Variants in LDHC observed in about 807,000 individuals in gnomAD.
LDHC encodes the protein lactate dehydrogenase C.
LDHC carries 20 observed loss-of-function variants against 30.2 expected under a neutral mutation model. The observed-to-expected ratio is 0.66, with a 90% CI of 0.47 to 0.96. LDHC has a LOEUF of 0.96. Ranked by LOEUF, LDHC falls within the 40% of genes least tolerant of loss-of-function variation. LDHC has a pLI of 0.00. For synonymous variants in LDHC, 139 were observed against 132.7 expected (o/e 1.05, Z -0.32); for missense variants, 362 against 394.9 (o/e 0.92, Z 0.71).
intron 7 of LDHC, among the ~76,000 whole-genome samples, chr11:18,446,908 G>A (rs1848562895): frequency 6.6e-6 from 1 of 151,142 alleles, no homozygotes; most frequent in Non-Finnish European, 1.5e-5. Flanking sequence ...ATCAGGGCAA[G>A]AAGTTTGTTT....
intron 4 of LDHC, among the ~76,000 whole-genome samples, chr11:18,431,052 C>T (rs1848257570): frequency 1.3e-5 from 2 of 151,352 alleles, no homozygotes; most frequent in African/African-American, 4.9e-5. Context: ...CCTGGGAGAT[C>T]TGGGCTGCAG....
In LDHC at chr11:18,434,914, G is replaced by T. The variant is rs1362977530; in HGVS notation, c.592+1G>T. 8 of 1,604,708 alleles carry T rather than the reference G, an allele frequency of 5.0e-6. No homozygotes were observed. Among genetic ancestry groups the T allele is most frequent in the Non-Finnish European group, 6.8e-6 (8 of 1,171,794 alleles). On this transcript the variant is annotated splice_donor_variant, in intron 5 of 7. Coordinates refer to ENST00000541669, the MANE Select transcript of LDHC (RefSeq NM_017448.5). LOFTEE classifies it high-confidence loss of function. The stretch of plus-strand genomic sequence containing the variant: ...ATTGGAGAACATGGTGATTCTAGTG[G>T]TAAGTATAAATCTATTATTATTACG...
chr11:18,449,530 T>C (rs868118085), intron 7 of LDHC, among the ~76,000 whole-genome samples: 3 of 149,174 alleles, frequency 2.0e-5, no homozygotes, highest in Non-Finnish European at 3.0e-5. Context: ...AGAATGTGGG[T>C]TGACAGTCTG....
rs760620346 is a variant in LDHC, at chr11:18,429,863, T to C, written c.371T>C (p.Ile124Thr). 25 of 1,611,584 alleles carry C rather than the reference T, an allele frequency of 1.6e-5. No individual in the cohort carries two copies. In the South Asian group the frequency reaches 2.8e-4, roughly 18 times the overall value. The change falls in exon 4 of 8, where the codon ATA becomes ACA. Residue 124 changes from isoleucine to threonine, a missense_variant. By Grantham distance (89) the Ile-to-Thr change is moderately conservative. Coordinates refer to ENST00000541669, the MANE Select transcript of LDHC (RefSeq NM_017448.5). Reference protein sequence around the residue: ...VAIMKSIIPAIVHYSPDCKIL... With the variant: ...VAIMKSIIPATVHYSPDCKIL... ...ATAATGAAATCAATCATTCCTGCCA[T>C]AGTCCATTATAGTCCTGATTGTAAA...
intron 5 of LDHC, 27 bp from the exon 6 acceptor site, chr11:18,438,498 AGAG>A: frequency 7.3e-7 from 1 of 1,375,982 alleles, no homozygotes; most frequent in Non-Finnish European, 1.0e-6. Context: ...ATTGGGAAGA[AGAG>A]TTTATTTTGA....
intron 6 of LDHC, among the ~76,000 whole-genome samples, chr11:18,445,042 C>T (rs1848532392): frequency 1.3e-5 from 2 of 151,986 alleles, no homozygotes; most frequent in African/African-American, 4.8e-5. Flanking sequence ...TAAGAAAATG[C>T]ATAATGTTTA....
chr11:18,442,524 A>T (rs1848483791), intron 6 of LDHC, among the ~76,000 whole-genome samples: 1 of 152,146 alleles, frequency 6.6e-6, no homozygotes, highest in South Asian at 2.1e-4. Flanking sequence ...AGGTAAACAG[A>T]ATCCTTCACA....
At chr11:18,412,945 A>G in intron 2 of LDHC, 102 bp downstream of exon 2, 1 of 1,011,912 alleles carries the variant, frequency 9.9e-7, no homozygotes. Flanking sequence ...CTTGAAAGCA[A>G]TTATGTATCC....
intron 4 of LDHC, among the ~76,000 whole-genome samples, chr11:18,431,266 G>C (rs113823963): frequency 0.013 from 2,032 of 152,134 alleles, 50 homozygotes; most frequent in African/African-American, 0.046. Flanking sequence ...TTCAAGACTA[G>C]CCTGGCCAAC....
chr11:18,445,141 A>G (rs1432522992), intron 6 of LDHC, among the ~76,000 whole-genome samples: 3 of 152,160 alleles, frequency 2.0e-5, no homozygotes, highest in African/African-American at 4.8e-5. Flanking sequence ...TAGGAAAGAT[A>G]TATACACACA....
intron 3 of LDHC, among the ~76,000 whole-genome samples, chr11:18,419,637 C>T (rs1368391646): frequency 6.6e-6 from 1 of 152,060 alleles, no homozygotes; most frequent in Non-Finnish European, 1.5e-5. Flanking sequence ...ACCAGCATAA[C>T]AGAAACATGC....
At position 18,416,086 on chromosome 11, in the gene LDHC, T is replaced by G. The variant is rs548784252; in HGVS notation, c.244+785T>G. Among the ~76,000 whole-genome samples the G allele has an allele frequency of 3.9e-5, 6 of 152,330 alleles. No individual in the cohort carries two copies. The South Asian group carries it at 1.2e-3, about 32-fold the overall frequency. On this transcript the variant is annotated intron_variant, in intron 3 of 7. Transcript: ENST00000541669. ...GAAAACAGAAAGTATAAAGAAAAAT[T>G]GAATCTCTTCTATTAATGACTTTAT...
Position 18,440,895 on chromosome 11 carries a change from C to G in LDHC, c.710+2250C>G, listed in dbSNP as rs1194817734. Among the ~76,000 whole-genome samples the G allele has an allele frequency of 8.6e-5, 13 of 151,374 alleles. No individual in the cohort carries two copies. In the East Asian group the frequency reaches 1.5e-3, roughly 18 times the overall value. ...ACTCAAACTCGCAGAGGTATGATCA[C>G]ACCACTGCACACTAGCCTGGACAGC... On this transcript the variant is annotated intron_variant, in intron 6 of 7. Transcript: ENST00000541669.
At chr11:18,427,441 T>C (rs542016347) in intron 3 of LDHC, among the ~76,000 whole-genome samples, 1 of 152,156 alleles carries the variant, frequency 6.6e-6, no homozygotes, top group South Asian at 2.1e-4. Context: ...GTTAGAGGGG[T>C]AGGCAAAGTA....
At position 18,434,894 on chromosome 11, in the gene LDHC, A is replaced by T; in HGVS notation, c.573A>T (p.Gly191=). ...CAAGCTGCCATGGTTGGATTATTGGAGAACATGGTGATTCTAGTGGTAAGT... is the reference window on the plus strand; with the variant it reads ...CAAGCTGCCATGGTTGGATTATTGGTGAACATGGTGATTCTAGTGGTAAGT... ...HPTSCHGWII[G]EHGDSSVPLW... is the part of the protein sequence containing the mutation. The change falls in exon 5 of 8, where the codon GGA becomes GGT. Residue 191 remains glycine (G), a synonymous_variant. Coordinates refer to ENST00000541669, the MANE Select transcript of LDHC (RefSeq NM_017448.5). The T allele has an allele frequency of 6.2e-7, 1 of 1,612,138 alleles. No individual in the cohort carries two copies. Among genetic ancestry groups the T allele is most frequent in the Non-Finnish European group, 8.5e-7 (1 of 1,178,242 alleles).
In LDHC at chr11:18,429,861, C is replaced by G; in HGVS notation, c.369C>G (p.Ala123=). The part of the protein sequence containing the change: ...NVAIMKSIIP[A]IVHYSPDCKI... ...CTATAATGAAATCAATCATTCCTGC[C>G]ATAGTCCATTATAGTCCTGATTGTA... is the stretch of plus-strand genomic sequence containing the variant. The change falls in exon 4 of 8, where the codon GCC becomes GCG. Residue 123 remains alanine (A), a synonymous_variant. Transcript: ENST00000541669. The G allele has an allele frequency of 6.2e-7, 1 of 1,612,636 alleles. No homozygotes were observed. The highest frequency in any genetic ancestry group is 1.1e-5 in the South Asian group (1 of 91,000).
chr11:18,412,844 G>C lies in LDHC; in HGVS notation c.126+1G>C, dbSNP rs1866918963. 6.2e-7 allele frequency: 1 copy of C among 1,612,160 alleles called. No homozygotes were observed. Among genetic ancestry groups the C allele is most frequent in the Admixed American group, 1.7e-5 (1 of 59,632 alleles). Reference sequence around the variant, plus strand: ...TTGTGCTATTAGTATCTTACTGAAGGTGAGTGAGAAGCCCATCCTGTGGCT... The same window carrying C: ...TTGTGCTATTAGTATCTTACTGAAGCTGAGTGAGAAGCCCATCCTGTGGCT... On this transcript the variant is annotated splice_donor_variant, in intron 2 of 7. Transcript: ENST00000541669. LOFTEE classifies it high-confidence loss of function.
At chr11:18,438,142 G>A (rs1848391006) in intron 5 of LDHC, among the ~76,000 whole-genome samples, 1 of 152,174 alleles carries the variant, frequency 6.6e-6, no homozygotes, top group Non-Finnish European at 1.5e-5. Context: ...GTACAGGCAT[G>A]GCTCCAAGAT....
intron 5 of LDHC, among the ~76,000 whole-genome samples, chr11:18,436,486 T>G (rs907885915): frequency 6.9e-6 from 1 of 145,544 alleles, no homozygotes; most frequent in Non-Finnish European, 1.5e-5. Flanking sequence ...ACAAAGTTTT[T>G]TTTTTTTTTT....
Sources: gnomAD v4.1 joint callset for allele counts (sites outside exome capture counted in the v4.1 genomes callset) on GRCh38, gnomAD v4.1.1 for gene constraint, MANE v1.5 for transcripts, NCBI Gene and HGNC (gene_info 2026-07-23, HGNC 2026-07-21) for gene names.